Variants in GOLGA1 observed in about 807,000 individuals in gnomAD.
GOLGA1 encodes golgin subfamily A member 1.
GOLGA1 carries 63 observed loss-of-function variants against 119.7 expected under a neutral mutation model. That is an observed-to-expected ratio of 0.53 (90% CI 0.43 to 0.65). The LOEUF (loss-of-function observed/expected upper bound fraction) is 0.65, where lower values mean the gene tolerates loss of function less well. Among genes scored for constraint, GOLGA1 ranks in the 30% least tolerant of loss-of-function variants. The pLI is 0.00. For synonymous variants in GOLGA1, 318 were observed against 333.4 expected, an observed-to-expected ratio of 0.95 and a Z score of 0.50; for missense variants, 798 against 912.8, an observed-to-expected ratio of 0.87 and a Z score of 1.62.
intron 12 of GOLGA1, among the ~76,000 whole-genome samples, chr9:124,906,667 G>T (rs1028332789): frequency 6.6e-6 from 1 of 151,906 alleles, no homozygotes; most frequent in Non-Finnish European, 1.5e-5. Flanking sequence ...CAGGAGAATC[G>T]CTTGAACCCG....
At chr9:124,924,343 T>A (rs905187433) in intron 7 of GOLGA1, among the ~76,000 whole-genome samples, 4 of 152,092 alleles carry the variant, frequency 2.6e-5, no homozygotes, top group Non-Finnish European at 4.4e-5. Context: ...ATTTATTAAA[T>A]GATCATTTCT....
At chr9:124,887,866 C>G (rs1829759204) in intron 19 of GOLGA1, among the ~76,000 whole-genome samples, 1 of 152,184 alleles carries the variant, frequency 6.6e-6, no homozygotes, top group Admixed American at 6.5e-5. Flanking sequence ...TCATAACCCC[C>G]TCCTCCCACC....
At chr9:124,947,153 C>T (rs1257324253) in intron 1 of GOLGA1, 1 of 152,124 alleles carries the variant, frequency 6.6e-6, no homozygotes, top group African/African-American at 2.4e-5. Flanking sequence ...ATTTAATGGA[C>T]ATTTTCCTAT....
chr9:124,929,571 G>A (rs1297077997), intron 4 of GOLGA1, among the ~76,000 whole-genome samples: 5 of 152,170 alleles, frequency 3.3e-5, no homozygotes, highest in South Asian at 2.1e-4. Flanking sequence ...GATCAGAAAT[G>A]TCCTGCTATG....
intron 3 of GOLGA1, among the ~76,000 whole-genome samples, chr9:124,937,248 T>A (rs1588100345): frequency 6.6e-6 from 1 of 152,174 alleles, no homozygotes; most frequent in Non-Finnish European, 1.5e-5. Context: ...GGTCAGGAGT[T>A]CCAGACCAGC....
chr9:124,921,390 C>G, intron 9 of GOLGA1, 150 bp from the exon 10 acceptor site: 1 of 634,926 alleles, frequency 1.6e-6, no homozygotes, highest in Non-Finnish European at 2.8e-6. Context: ...AGCCTCGGCT[C>G]TCTCTGAAGC....
chr9:124,903,050 C>A (rs933225033), intron 12 of GOLGA1, among the ~76,000 whole-genome samples: 4 of 152,140 alleles, frequency 2.6e-5, no homozygotes, highest in Non-Finnish European at 5.9e-5. Flanking sequence ...GAAAAAGTTA[C>A]CATATCACCC....
intron 11 of GOLGA1, 59 bp from the exon 12 acceptor site, chr9:124,908,531 C>T: frequency 1.1e-6 from 1 of 896,760 alleles, no homozygotes; most frequent in African/African-American, 1.6e-5. Context: ...TAAATATTTA[C>T]AGATTATCTA....
In GOLGA1 at chr9:124,928,208, C is replaced by T. The variant is rs1378511500; in HGVS notation, c.379G>A (p.Ala127Thr). 1 of 1,587,970 alleles carries T rather than the reference C, an allele frequency of 6.3e-7. No individual in the cohort carries two copies. The highest frequency in any genetic ancestry group is 8.6e-7 in the Non-Finnish European group (1 of 1,157,426). Reference sequence around the variant, plus strand: ...AATACCTGGTCCTTTCTGGCTAATGCCAAAGCCAGTCCTTCTGCCATTTTG... The same window carrying T: ...AATACCTGGTCCTTTCTGGCTAATGTCAAAGCCAGTCCTTCTGCCATTTTG... ...RAKMAEGLAL[A>T]LARKDQEWSE... Residue 127 changes from alanine to threonine, a missense_variant, in exon 6 of 23, where the codon GCA (alanine) becomes ACA (threonine). Physicochemically the swap from Ala to Thr is moderately conservative, Grantham distance 58. Coordinates refer to ENST00000373555, the MANE Select transcript of GOLGA1 (RefSeq NM_002077.4).
At chr9:124,916,695 G>A (rs1830451885) in intron 10 of GOLGA1, among the ~76,000 whole-genome samples, 1 of 151,772 alleles carries the variant, frequency 6.6e-6, no homozygotes, top group African/African-American at 2.4e-5. Context: ...GCAACATAGT[G>A]AGACCTTAAC....
chr9:124,930,262 C>A (rs1417756941), intron 4 of GOLGA1, among the ~76,000 whole-genome samples: 1 of 152,160 alleles, frequency 6.6e-6, no homozygotes, highest in Non-Finnish European at 1.5e-5. Context: ...CTCTCTCCAA[C>A]ATTAAACAAA....
chr9:124,889,561 G>C (rs771727527), intron 16 of GOLGA1, 25 bp from the exon 17 acceptor site: 1 of 1,462,228 alleles, frequency 6.8e-7, no homozygotes, highest in East Asian at 2.3e-5. Flanking sequence ...TCAACAAGAG[G>C]GAAGGTTGTG....
intron 2 of GOLGA1, among the ~76,000 whole-genome samples, chr9:124,939,748 G>A (rs1830963209): frequency 6.6e-6 from 1 of 151,746 alleles, no homozygotes; most frequent in Admixed American, 6.6e-5. Flanking sequence ...TTTTAGTAGA[G>A]ACGAGGTTTC....
chr9:124,901,147 A>G lies in GOLGA1; in HGVS notation c.1066-600T>C, dbSNP rs557794731. 8.1e-5 allele frequency among the ~76,000 whole-genome samples: 12 copies of G among 148,708 alleles called. No homozygotes were observed. In the South Asian group the frequency reaches 1.7e-3, roughly 21 times the overall value. On this transcript the variant is annotated intron_variant, in intron 12 of 22. Coordinates refer to ENST00000373555, the MANE Select transcript of GOLGA1 (RefSeq NM_002077.4). The stretch of plus-strand genomic sequence containing the variant: ...CTACCATGCCCAGCTAATTTTTTGT[A>G]TTTTTAGTACAGACAGGGTTTCACT...
chr9:124,881,327 C>A lies in GOLGA1; in HGVS notation c.2137-70G>T, dbSNP rs574250717. 5.8e-6 allele frequency: 5 copies of A among 859,334 alleles called. No individual in the cohort carries two copies. Among genetic ancestry groups the A allele is most frequent in the South Asian group, 4.0e-5 (3 of 75,628 alleles). 53.2% of individuals were successfully genotyped at this position (859,334 alleles called of 1,614,324 possible). On this transcript the variant is annotated intron_variant, in intron 21 of 22. Transcript: ENST00000373555. This position sits in a 1 kb window ranked among gnomAD's most constrained non-coding sequence, Gnocchi z 4.9. ...AGGCGGGGTGGGGTCGGGGGAGCTA[C>A]GTGGCATTTCCTGCTTGCTTTGGTT...
At chr9:124,921,688 C>G in intron 9 of GOLGA1, 35 bp downstream of exon 9, 1 of 1,550,520 alleles carries the variant, frequency 6.4e-7, no homozygotes, top group Non-Finnish European at 8.8e-7. Flanking sequence ...TACACTAACA[C>G]CTCTTCCCAA....
At chr9:124,904,005 G>A (rs1008973031) in intron 12 of GOLGA1, among the ~76,000 whole-genome samples, 1 of 151,650 alleles carries the variant, frequency 6.6e-6, no homozygotes, top group Non-Finnish European at 1.5e-5. Context: ...GGAGGTTGCA[G>A]TGAGCCGAGA....
At chr9:124,920,151 G>A (rs1356681901) in intron 10 of GOLGA1, among the ~76,000 whole-genome samples, 1 of 151,974 alleles carries the variant, frequency 6.6e-6, no homozygotes, top group East Asian at 1.9e-4. Flanking sequence ...AGATAGTCTT[G>A]CTCTATTGCC....
chr9:124,917,983 G>A (rs892081492), intron 10 of GOLGA1, among the ~76,000 whole-genome samples: 1 of 152,066 alleles, frequency 6.6e-6, no homozygotes, highest in African/African-American at 2.4e-5. Flanking sequence ...CTCCCAAGTA[G>A]CTGGGATTAC....
Sources: allele counts gnomAD v4.1 joint callset (sites outside exome capture counted in the v4.1 genomes callset), GRCh38; gene constraint gnomAD v4.1.1; non-coding constraint Gnocchi (gnomAD v3.1); transcripts MANE v1.5; gene names NCBI Gene and HGNC (gene_info 2026-07-23, HGNC 2026-07-21).